The following SUGCT variants were observed in gnomAD, a reference collection of about 807,000 sequenced individuals.
SUGCT encodes succinyl-CoA:glutarate-CoA transferase.
A neutral mutation model predicts 55.0 loss-of-function variants in SUGCT; 41 were observed. The observed-to-expected ratio is 0.74, with a 90% CI of 0.58 to 0.97. SUGCT has a LOEUF of 0.97. Ranked by LOEUF, SUGCT falls within the 50% of genes least tolerant of loss-of-function variation. The pLI is 0.00. For synonymous variants in SUGCT, 187 were observed against 200.4 expected, an observed-to-expected ratio of 0.93 and a Z score of 0.56; for missense variants, 568 against 547.8, an observed-to-expected ratio of 1.04 and a Z score of -0.37.
At chr7:40,276,028 GA>G (rs1429977562) in intron 8 of SUGCT, among the ~76,000 whole-genome samples, 5 of 152,272 alleles carry the variant, frequency 3.3e-5, no homozygotes, top group African/African-American at 9.6e-5. Context: ...GCATACATGG[GA>G]AAATAGTAAA....
intron 1 of SUGCT, among the ~76,000 whole-genome samples, chr7:40,159,385 G>GT (rs1215516151): frequency 1.3e-5 from 2 of 151,912 alleles, no homozygotes; most frequent in Admixed American, 6.6e-5. Flanking sequence ...TTGTTTGTTT[G>GT]TTTTGAGACT....
intron 11 of SUGCT, among the ~76,000 whole-genome samples, chr7:40,476,535 T>C (rs1790687992): frequency 6.6e-6 from 1 of 152,164 alleles, no homozygotes; most frequent in African/African-American, 2.4e-5. Flanking sequence ...AGTTCTTTTT[T>C]TGCGTTTGCT....
In SUGCT at chr7:40,271,576, C is replaced by T. The variant is rs79837556; in HGVS notation, c.577-2937C>T. On this transcript the variant is annotated intron_variant, in intron 7 of 13. Transcript: ENST00000335693. ...TAAAAATCGATACATAATAGGTGTA[C>T]ATGTTTTCAGGGTTCATGTGATCAT... Among the ~76,000 whole-genome samples, 600 of 152,072 alleles carry T rather than the reference C, an allele frequency of 3.9e-3. 4 individuals are homozygous for T. The highest frequency in any genetic ancestry group is 0.013 in the African/African-American group (550 of 41,494).
At chr7:40,965,378 T>C in the SUGCT span, 1 of 152,250 alleles carries the variant, frequency 6.6e-6, no homozygotes, top group Non-Finnish European at 1.5e-5. Flanking sequence ...TTGTATCACC[T>C]GCCTCTTCTT....
At chr7:40,181,137 G>C (rs1584270784) in intron 2 of SUGCT, 139 bp downstream of exon 2, 2 of 692,110 alleles carry the variant, frequency 2.9e-6, no homozygotes, top group Non-Finnish European at 5.1e-6. Context: ...AAAAATTGCT[G>C]TAATATCATC....
At chr7:41,028,102 A>G in the SUGCT span, among the ~76,000 whole-genome samples, 1 of 152,226 alleles carries the variant, frequency 6.6e-6, no homozygotes, top group Non-Finnish European at 1.5e-5. Context: ...GATGATTCCT[A>G]ACTCAGGCAG....
intron 1 of SUGCT, among the ~76,000 whole-genome samples, chr7:40,169,337 A>C (rs2150672298): frequency 6.6e-6 from 1 of 152,252 alleles, no homozygotes; most frequent in South Asian, 2.1e-4. Context: ...ACAGATCTGG[A>C]GGACAGTTGT....
At chr7:40,265,530 C>A (rs1401981254) in intron 7 of SUGCT, among the ~76,000 whole-genome samples, 7 of 151,718 alleles carry the variant, frequency 4.6e-5, no homozygotes, top group Non-Finnish European at 2.9e-5. Flanking sequence ...TTGGCAAGCT[C>A]TGAATGTAGT....
the SUGCT span, among the ~76,000 whole-genome samples, chr7:41,029,128 G>C: frequency 9.9e-3 from 1,512 of 152,156 alleles, 16 homozygotes; most frequent in Non-Finnish European, 0.014. Flanking sequence ...GGGAGCCCTC[G>C]TGAGGACTCC....
chr7:40,279,582 A>AT (rs1297750869), intron 8 of SUGCT, among the ~76,000 whole-genome samples: 1 of 152,224 alleles, frequency 6.6e-6, no homozygotes, highest in Non-Finnish European at 1.5e-5. Context: ...CATTAATTTT[A>AT]TTAGGTTATT....
rs573233522 is a variant in SUGCT at position 40,666,816 on chromosome 7, A to C, written c.1090-82618A>C. Among the ~76,000 whole-genome samples, 7 of 152,320 alleles carry C rather than the reference A, an allele frequency of 4.6e-5. No individual in the cohort carries two copies. In the South Asian group the frequency reaches 1.5e-3, roughly 32 times the overall value. On this transcript the variant is annotated intron_variant, in intron 12 of 13. Coordinates refer to ENST00000335693, the MANE Select transcript of SUGCT (RefSeq NM_001193313.2). ...AAGTGGACACAACAGATTAATATCA[A>C]GAAAGATGTTAAAGTGATGGATCAT...
chr7:40,483,140 T>C (rs1215864869), intron 11 of SUGCT, among the ~76,000 whole-genome samples: 2 of 152,218 alleles, frequency 1.3e-5, no homozygotes, highest in Non-Finnish European at 2.9e-5. Flanking sequence ...GCTGTTTCTC[T>C]GTGGGTTACA....
intron 12 of SUGCT, among the ~76,000 whole-genome samples, chr7:40,534,462 G>A (rs541706350): frequency 7.5e-4 from 114 of 152,012 alleles, no homozygotes; most frequent in Non-Finnish European, 1.3e-3. Flanking sequence ...TTGGCTCACC[G>A]CAACCTCCAC....
intron 12 of SUGCT, among the ~76,000 whole-genome samples, chr7:40,724,435 C>T (rs891214325): frequency 3.3e-5 from 5 of 151,866 alleles, no homozygotes; most frequent in East Asian, 1.9e-4. Flanking sequence ...TGGCAGCGTG[C>T]GCCTGTAGTC....
intron 7 of SUGCT, among the ~76,000 whole-genome samples, chr7:40,268,883 C>T (rs10280966): frequency 0.11 from 17,158 of 152,218 alleles, 1,242 homozygotes; most frequent in Middle Eastern, 0.19. Context: ...GTGATCCGCC[C>T]GCCTCAGGCT....
chr7:40,900,167 G>A, the SUGCT span, among the ~76,000 whole-genome samples: 1 of 152,244 alleles, frequency 6.6e-6, no homozygotes, highest in South Asian at 2.1e-4. Flanking sequence ...TCCTTAAGCA[G>A]CCTCCAGCTT....
intron 12 of SUGCT, among the ~76,000 whole-genome samples, chr7:40,547,408 C>A (rs1330501704): frequency 1.3e-5 from 2 of 152,178 alleles, no homozygotes; most frequent in African/African-American, 4.8e-5. Flanking sequence ...ACCATCATAC[C>A]TTCCTTAAAA....
At chr7:40,842,160 A>G (rs1793310735) in intron 13 of SUGCT, among the ~76,000 whole-genome samples, 1 of 152,102 alleles carries the variant, frequency 6.6e-6, no homozygotes, top group Admixed American at 6.6e-5. Context: ...CAACAGACAC[A>G]TATCATTATT....
intron 9 of SUGCT, among the ~76,000 whole-genome samples, chr7:40,387,417 ACTTT>A (rs1049442822): frequency 6.6e-6 from 1 of 152,092 alleles, no homozygotes; most frequent in African/African-American, 2.4e-5. Flanking sequence ...GGCTATACTT[ACTTT>A]CTATTTGGGT....
Sources: allele counts gnomAD v4.1 joint callset (sites outside exome capture counted in the v4.1 genomes callset), GRCh38; gene constraint gnomAD v4.1.1; transcripts MANE v1.5; gene names NCBI Gene and HGNC (gene_info 2026-07-23, HGNC 2026-07-21).